Variants in FHIT observed in about 807,000 individuals in gnomAD.
The protein encoded by FHIT is bis(5'-adenosyl)-triphosphatase.
FHIT carries 19 observed loss-of-function variants against 17.9 expected under a neutral mutation model. The observed-to-expected ratio is 1.06, with a 90% CI of 0.74 to 1.56. The LOEUF is 1.56. Among genes scored for constraint, FHIT ranks in the 40% most tolerant of loss-of-function variants. The probability of loss-of-function intolerance (pLI) is 0.00; values close to 1 mark genes in which losing one functional copy is unlikely to be tolerated. For missense variants in FHIT, 248 were observed against 189.2 expected (o/e 1.31, Z -1.82); for synonymous variants, 81 against 69.7 (o/e 1.16, Z -0.81).
At chr3:60,226,844 T>G (rs548224307) in intron 5 of FHIT, among the ~76,000 whole-genome samples, 1 of 152,176 alleles carries the variant, frequency 6.6e-6, no homozygotes, top group Non-Finnish European at 1.5e-5. Flanking sequence ...TTGTCTCTAT[T>G]GTCACGCCAC....
chr3:59,904,771 G>C (rs183532791), intron 8 of FHIT, among the ~76,000 whole-genome samples: 44 of 152,338 alleles, frequency 2.9e-4, no homozygotes, highest in Admixed American at 2.4e-3. Flanking sequence ...GCGAAGAGGG[G>C]ATATGGATTT....
chr3:60,403,124 A>G (rs1160225191), intron 5 of FHIT, among the ~76,000 whole-genome samples: 1 of 152,346 alleles, frequency 6.6e-6, no homozygotes, highest in Non-Finnish European at 1.5e-5. Context: ...TACTTACTTC[A>G]TTTAAAAGTA....
chr3:59,765,282 G>C (rs1293040459), intron 8 of FHIT, among the ~76,000 whole-genome samples: 3 of 152,112 alleles, frequency 2.0e-5, no homozygotes, highest in African/African-American at 7.2e-5. Flanking sequence ...ATAATTTCAG[G>C]TATCTATGTA....
chr3:60,390,716 A>G (rs1187788843), intron 5 of FHIT, among the ~76,000 whole-genome samples: 1 of 152,130 alleles, frequency 6.6e-6, no homozygotes, highest in African/African-American at 2.4e-5. Flanking sequence ...AGTCTATAAC[A>G]AAAAACTTTA....
chr3:60,124,003 T>TAGAGAG (rs1559653641), intron 5 of FHIT, among the ~76,000 whole-genome samples: 11 of 24,578 alleles, frequency 4.5e-4, no homozygotes, highest in Non-Finnish European at 6.9e-4. Context: ...TATATATATA[T>TAGAGAG]ATATATAGAG....
intron 3 of FHIT, among the ~76,000 whole-genome samples, chr3:60,917,833 T>C (rs1223597953): frequency 1.3e-5 from 2 of 152,222 alleles, no homozygotes; most frequent in African/African-American, 2.4e-5. Flanking sequence ...TCATTCTGTA[T>C]ATCCCCTACT....
intron 5 of FHIT, among the ~76,000 whole-genome samples, chr3:60,229,892 G>C (rs1030441143): frequency 6.6e-6 from 1 of 152,146 alleles, no homozygotes. Flanking sequence ...TGTGGCAGGA[G>C]GACAGCTTGA....
chr3:60,150,603 T>C (rs1700424139), intron 5 of FHIT, among the ~76,000 whole-genome samples: 1 of 152,214 alleles, frequency 6.6e-6, no homozygotes, highest in East Asian at 1.9e-4. Flanking sequence ...ACTATAGGTG[T>C]GCACCTTAAT....
chr3:59,776,526 T>C (rs956863793), intron 8 of FHIT, among the ~76,000 whole-genome samples: 5 of 152,144 alleles, frequency 3.3e-5, no homozygotes, highest in African/African-American at 1.2e-4. Context: ...GAGACAGTGA[T>C]GGGCCATCCA....
intron 5 of FHIT, among the ~76,000 whole-genome samples, chr3:60,504,045 A>G (rs1482329086): frequency 6.6e-6 from 1 of 152,206 alleles, no homozygotes; most frequent in East Asian, 1.9e-4. Context: ...ATAAATGACC[A>G]CATAGCTCAA....
intron 2 of FHIT, among the ~76,000 whole-genome samples, chr3:61,111,733 A>G (rs1220964652): frequency 6.6e-6 from 1 of 152,212 alleles, no homozygotes; most frequent in East Asian, 1.9e-4. Flanking sequence ...TACCAACATG[A>G]CTGGAACTGG....
At chr3:60,827,655 C>G (rs1328254507) in intron 3 of FHIT, among the ~76,000 whole-genome samples, 1 of 152,078 alleles carries the variant, frequency 6.6e-6, no homozygotes, top group African/African-American at 2.4e-5. Flanking sequence ...ATCGGGTTTT[C>G]AAATGAACAA....
At chr3:61,017,947 T>C (rs911103979) in intron 3 of FHIT, among the ~76,000 whole-genome samples, 2 of 152,004 alleles carry the variant, frequency 1.3e-5, no homozygotes, top group South Asian at 2.1e-4. Context: ...AAAAAGAAGA[T>C]ACGAGAGGAG....
At chr3:60,785,376 C>A in intron 4 of FHIT, among the ~76,000 whole-genome samples, 1 of 152,020 alleles carries the variant, frequency 6.6e-6, no homozygotes, top group East Asian at 1.9e-4. Flanking sequence ...AATCTGCAGA[C>A]CGGTGGAAGT....
intron 8 of FHIT, among the ~76,000 whole-genome samples, chr3:59,808,323 G>C (rs991484125): frequency 6.6e-6 from 1 of 152,088 alleles, no homozygotes; most frequent in African/African-American, 2.4e-5. Flanking sequence ...CACATGGTAG[G>C]GATATTGCGG....
At chr3:61,014,595 T>C (rs190177983) in intron 3 of FHIT, among the ~76,000 whole-genome samples, 2 of 151,136 alleles carry the variant, frequency 1.3e-5, no homozygotes, top group African/African-American at 4.9e-5. Flanking sequence ...CTGGCTAACA[T>C]GGAGAAACCC....
At chr3:60,978,854 A>T (rs1710371763) in intron 3 of FHIT, among the ~76,000 whole-genome samples, 1 of 152,148 alleles carries the variant, frequency 6.6e-6, no homozygotes, top group Non-Finnish European at 1.5e-5. Context: ...TAATACCATG[A>T]CTTTGGCTCT....
intron 3 of FHIT, among the ~76,000 whole-genome samples, chr3:60,972,374 G>A (rs1710061968): frequency 6.6e-6 from 1 of 151,940 alleles, no homozygotes; most frequent in Non-Finnish European, 1.5e-5. Flanking sequence ...CTTTCTTTTG[G>A]CACTTTAACC....
intron 4 of FHIT, among the ~76,000 whole-genome samples, chr3:60,653,079 T>C (rs2040033939): frequency 6.6e-6 from 1 of 152,156 alleles, no homozygotes; most frequent in Non-Finnish European, 1.5e-5. Context: ...AGCCTTCTTA[T>C]TGCCTCATTC....
Sources: allele counts gnomAD v4.1 joint callset (sites outside exome capture counted in the v4.1 genomes callset), GRCh38; gene constraint gnomAD v4.1.1; transcripts MANE v1.5; gene names NCBI Gene and HGNC (gene_info 2026-07-23, HGNC 2026-07-21).